The following CNNM2 variants were observed in gnomAD, a reference collection of about 807,000 sequenced individuals.
CNNM2 encodes the protein metal transporter CNNM2.
Under a neutral mutation model 66.9 loss-of-function variants are expected in CNNM2, and 12 were observed. That is an observed-to-expected ratio of 0.18 (90% CI 0.11 to 0.29). The LOEUF (loss-of-function observed/expected upper bound fraction) is 0.29. CNNM2 is among the 10% of genes least tolerant of loss of function. The probability of loss-of-function intolerance (pLI) is 1.00; values close to 1 mark genes in which losing one functional copy is unlikely to be tolerated. For missense variants in CNNM2, 705 were observed against 1,167.7 expected (o/e 0.60, Z 5.77); for synonymous variants, 557 against 501.8 (o/e 1.11, Z -1.47).
At chr10:103,016,050 C>T (rs1459326412) in intron 1 of CNNM2, among the ~76,000 whole-genome samples, 1 of 152,016 alleles carries the variant, frequency 6.6e-6, no homozygotes, top group Non-Finnish European at 1.5e-5. Context: ...GTCAGATTGT[C>T]ATTTGAGCCT....
At chr10:103,035,980 G>A (rs1206137449) in intron 1 of CNNM2, among the ~76,000 whole-genome samples, 2 of 152,126 alleles carry the variant, frequency 1.3e-5, no homozygotes, top group East Asian at 1.9e-4. Flanking sequence ...CTTCTTATAC[G>A]CATCAGTCAT....
At chr10:103,001,132 GTCA>G (rs1445282876) in intron 1 of CNNM2, among the ~76,000 whole-genome samples, 17 of 152,186 alleles carry the variant, frequency 1.1e-4, no homozygotes, top group African/African-American at 4.1e-4. Context: ...ACTTAGATTA[GTCA>G]AAATTATAGA....
At chr10:103,043,065 C>T (rs1249584738) in intron 1 of CNNM2, among the ~76,000 whole-genome samples, 1 of 152,222 alleles carries the variant, frequency 6.6e-6, no homozygotes, top group Non-Finnish European at 1.5e-5. Context: ...CGCAGCATCT[C>T]ACAACTTCAG....
intron 1 of CNNM2, among the ~76,000 whole-genome samples, chr10:102,947,057 C>A (rs1170729878): frequency 1.3e-5 from 2 of 152,018 alleles, no homozygotes; most frequent in Non-Finnish European, 2.9e-5. Context: ...CATTGAAGAA[C>A]TGATTTTTTT....
chr10:103,054,188 C>T lies in CNNM2; in HGVS notation c.1766-141C>T, dbSNP rs2065260072. The T allele has an allele frequency of 3.3e-6, 3 of 899,844 alleles. No homozygotes were observed. Among genetic ancestry groups the T allele is most frequent in the Non-Finnish European group, 5.0e-6 (3 of 596,100 alleles). The allele number at this position is 899,844 out of a possible 1,614,324, so 55.7% of individuals were successfully genotyped here. ...GATCTGGCTCTCCCTCCCTCCTTCC[C>T]CGTGGCATCTGTGCATAGAGCGCCT... On this transcript the variant is annotated intron_variant, in intron 2 of 7. Coordinates refer to ENST00000369878, the MANE Select transcript of CNNM2 (RefSeq NM_017649.5). This position sits in a 1 kb window ranked among gnomAD's most constrained non-coding sequence, Gnocchi z 5.2.
At position 102,976,493 on chromosome 10, in the gene CNNM2, G is replaced by T. The variant is rs572183282; in HGVS notation, c.1621+56392G>T. On this transcript the variant is annotated intron_variant, in intron 1 of 7. Coordinates refer to ENST00000369878, the MANE Select transcript of CNNM2 (RefSeq NM_017649.5). ...CTGTCACCCAGGCTGGAGTGCAGGGGTGTGATTGCAGCTTAGATTGCAGCT... is the reference window on the plus strand; with the variant it reads ...CTGTCACCCAGGCTGGAGTGCAGGGTTGTGATTGCAGCTTAGATTGCAGCT... Among the ~76,000 whole-genome samples the T allele has an allele frequency of 3.9e-4, 56 of 144,364 alleles. No individual in the cohort carries two copies. The South Asian group carries it at 0.012, about 31-fold the overall frequency. 94.7% of individuals were successfully genotyped at this position (144,364 alleles called of 152,430 possible). A position where few individuals can be genotyped will look rare whatever the true frequency, so the allele number is the denominator to read the frequency against.
rs1564874904 is a variant in CNNM2 at position 103,078,877 on chromosome 10, G to GGGCT, written c.*1703_*1706dup. The GGGCT allele has an allele frequency of 6.5e-6, 1 of 152,746 alleles. No homozygotes were observed. Among genetic ancestry groups the GGGCT allele is most frequent in the African/African-American group, 2.4e-5 (1 of 41,480 alleles). The allele number at this position is 152,746 out of a possible 1,614,324, so 9.5% of individuals were successfully genotyped here. A position where few individuals can be genotyped will look rare whatever the true frequency, so the allele number is the denominator to read the frequency against. On this transcript the variant is annotated 3_prime_UTR_variant, in exon 8 of 8. Coordinates refer to ENST00000369878, the MANE Select transcript of CNNM2 (RefSeq NM_017649.5). The stretch of plus-strand genomic sequence containing the variant: ...GCTGAGGAGCAGACAGCAGCGGGCC[G>GGGCT]GGCTGGCTGCCTGGTGAGCAGTTTG...
intron 6 of CNNM2, among the ~76,000 whole-genome samples, chr10:103,074,815 T>TA (rs1484328845): frequency 1.3e-5 from 2 of 152,190 alleles, no homozygotes; most frequent in Admixed American, 1.3e-4. Context: ...GCCTGGGTGA[T>TA]AAAGCAAGAC....
At chr10:103,012,689 G>A (rs1388908169) in intron 1 of CNNM2, among the ~76,000 whole-genome samples, 3 of 146,826 alleles carry the variant, frequency 2.0e-5, no homozygotes, top group African/African-American at 7.6e-5. Flanking sequence ...GCCTATATGA[G>A]TGATCTAATC....
chr10:103,076,280 G>A lies in CNNM2; in HGVS notation c.2418+10G>A, dbSNP rs1464300541. The A allele has an allele frequency of 1.4e-5, 21 of 1,553,888 alleles. No individual in the cohort carries two copies. The East Asian group carries it at 3.2e-4, about 23-fold the overall frequency. ...TCTGCAGTTTGTTAAGGTGAGAGAC[G>A]TGAGTGCAGTGTGGCTGGACCTGGC... On this transcript the variant is annotated intron_variant, in intron 7 of 7. Transcript: ENST00000369878.
chr10:102,923,455 G>GT (rs1191326504), intron 1 of CNNM2, among the ~76,000 whole-genome samples: 4 of 152,116 alleles, frequency 2.6e-5, no homozygotes, highest in Non-Finnish European at 5.9e-5. Context: ...GTGCCTTGGG[G>GT]TTTTAACTTA....
intron 2 of CNNM2, 89 bp downstream of exon 2, chr10:103,049,939 G>A: frequency 7.6e-7 from 1 of 1,312,950 alleles, no homozygotes; most frequent in Non-Finnish European, 1.1e-6. Flanking sequence ...TCCAGTTGCT[G>A]CCTCTGTTTA....
At chr10:103,027,229 A>C (rs2064725264) in intron 1 of CNNM2, 1 of 152,240 alleles carries the variant, frequency 6.6e-6, no homozygotes, top group East Asian at 1.9e-4. Flanking sequence ...TGCAAAAAGA[A>C]TGTGTAGCAG....
chr10:103,003,550 G>T (rs889424872), intron 1 of CNNM2, among the ~76,000 whole-genome samples: 1 of 152,138 alleles, frequency 6.6e-6, no homozygotes, highest in African/African-American at 2.4e-5. Flanking sequence ...TAAACTGGGT[G>T]CGTTGGCTCA....
intron 1 of CNNM2, among the ~76,000 whole-genome samples, chr10:102,944,986 T>G (rs79967484): frequency 4.5e-5 from 5 of 112,260 alleles, no homozygotes; most frequent in African/African-American, 1.3e-4. Flanking sequence ...TTTGTTTTTT[T>G]TTTTGGCAAG....
intron 1 of CNNM2, among the ~76,000 whole-genome samples, chr10:102,931,600 A>G (rs1846067292): frequency 6.6e-6 from 1 of 152,050 alleles, no homozygotes; most frequent in Non-Finnish European, 1.5e-5. Flanking sequence ...CAGGTGATCC[A>G]TCCGCCTTGG....
In CNNM2 at chr10:103,054,488, T is replaced by A; in HGVS notation, c.1903+22T>A. On this transcript the variant is annotated intron_variant, in intron 3 of 7. Transcript: ENST00000369878. The surrounding 1 kb of genome is among the most constrained non-coding windows in gnomAD (Gnocchi z 5.2). The stretch of plus-strand genomic sequence containing the variant: ...ACAGGCAAGTGCAGCTTATCACAGT[T>A]TGAGATCTCTACCAACCCTGAAGCG... 1.9e-6 allele frequency: 3 copies of A among 1,612,138 alleles called. No homozygotes were observed. Among genetic ancestry groups the A allele is most frequent in the Non-Finnish European group, 2.5e-6 (3 of 1,178,726 alleles).
intron 1 of CNNM2, among the ~76,000 whole-genome samples, chr10:102,930,825 A>G (rs1590266007): frequency 6.6e-6 from 1 of 152,144 alleles, no homozygotes; most frequent in East Asian, 1.9e-4. Context: ...GGCTTCTTTC[A>G]TTTAACATGT....
intron 6 of CNNM2, among the ~76,000 whole-genome samples, chr10:103,073,435 C>T (rs1053854111): frequency 6.6e-6 from 1 of 152,130 alleles, no homozygotes; most frequent in African/African-American, 2.4e-5. Flanking sequence ...GTGGCCAAAG[C>T]GCAGGGATAC....
Sources: gnomAD v4.1 joint callset for allele counts (sites outside exome capture counted in the v4.1 genomes callset) on GRCh38, gnomAD v4.1.1 for gene constraint, Gnocchi (gnomAD v3.1) non-coding constraint, MANE v1.5 for transcripts, NCBI Gene and HGNC (gene_info 2026-07-23, HGNC 2026-07-21) for gene names.